EVA1C: variants seen among roughly 807,000 people sequenced by gnomAD.
The protein encoded by EVA1C is protein eva-1 homolog C.
In EVA1C, 25 loss-of-function variants were observed where a neutral mutation model predicts 45.4. That is an observed-to-expected ratio of 0.55 (90% CI 0.40 to 0.77). The LOEUF is 0.77. EVA1C is among the 30% of genes least tolerant of loss of function. EVA1C has a pLI of 0.00. For missense variants in EVA1C, 479 were observed against 554.8 expected (o/e 0.86, Z 1.37); for synonymous variants, 190 against 221.2 (o/e 0.86, Z 1.25).
chr21:32,511,605 A>T (rs1419489460), intron 7 of EVA1C, among the ~76,000 whole-genome samples: 1 of 152,082 alleles, frequency 6.6e-6, no homozygotes, highest in East Asian at 1.9e-4. Flanking sequence ...GGGAACACAA[A>T]TCAAGACCAT....
chr21:32,427,944 A>G (rs1365720435), intron 1 of EVA1C, among the ~76,000 whole-genome samples: 3 of 151,984 alleles, frequency 2.0e-5, no homozygotes, highest in Non-Finnish European at 1.5e-5. Context: ...TGGACCTTAA[A>G]CAGTGGACAG....
At position 32,444,053 on chromosome 21, in the gene EVA1C, A is replaced by AACACACACACACACAC. The variant is rs60086580; in HGVS notation, c.161-9235_161-9220dup. Reference sequence around the variant, plus strand: ...CCACTTCTGACACCAATTGTGTGAAAACACACACACACACACACACACACA... The same window carrying AACACACACACACACAC: ...CCACTTCTGACACCAATTGTGTGAAAACACACACACACACACACACACACACACACACACACACACA... On this transcript the variant is annotated intron_variant, in intron 1 of 7. Transcript: ENST00000300255. Among the ~76,000 whole-genome samples the AACACACACACACACAC allele has an allele frequency of 6.4e-5, 9 of 140,042 alleles. No homozygotes were observed. The East Asian group carries it at 1.8e-3, about 28-fold the overall frequency. 91.9% of individuals were successfully genotyped at this position (140,042 alleles called of 152,430 possible). A position where few individuals can be genotyped will look rare whatever the true frequency, so the allele number is the denominator to read the frequency against.
chr21:32,424,637 G>C (rs2034416976), intron 1 of EVA1C, among the ~76,000 whole-genome samples: 1 of 152,080 alleles, frequency 6.6e-6, no homozygotes, highest in East Asian at 1.9e-4. Context: ...AGGCCACCCT[G>C]GACACAAAGA....
At chr21:32,418,367 A>G (rs530523720) in intron 1 of EVA1C, among the ~76,000 whole-genome samples, 2 of 152,300 alleles carry the variant, frequency 1.3e-5, no homozygotes, top group African/African-American at 4.8e-5. Flanking sequence ...ACTACATCTG[A>G]AAAGTTTTCT....
intron 4 of EVA1C, among the ~76,000 whole-genome samples, chr21:32,468,983 G>A (rs2036280070): frequency 6.6e-6 from 1 of 152,172 alleles, no homozygotes; most frequent in Admixed American, 6.5e-5. Context: ...TGGATTAAAG[G>A]GAAAGTCAAG....
At chr21:32,426,685 A>C (rs988287488) in intron 1 of EVA1C, among the ~76,000 whole-genome samples, 24 of 152,114 alleles carry the variant, frequency 1.6e-4, no homozygotes, top group African/African-American at 5.1e-4. Flanking sequence ...GAGAAGGAGG[A>C]GTCGACGGAC....
At chr21:32,483,105 C>A (rs950261072) in intron 4 of EVA1C, among the ~76,000 whole-genome samples, 4 of 90,226 alleles carry the variant, frequency 4.4e-5, no homozygotes, top group Admixed American at 2.4e-4. Flanking sequence ...GCAATCCTCT[C>A]ACCTCAGCCT....
At chr21:32,431,811 G>A (rs2034715137) in intron 1 of EVA1C, among the ~76,000 whole-genome samples, 1 of 152,040 alleles carries the variant, frequency 6.6e-6, no homozygotes, top group Non-Finnish European at 1.5e-5. Flanking sequence ...AAATATTCCT[G>A]TGTATTCCTT....
At chr21:32,487,816 C>T (rs560091872) in intron 4 of EVA1C, among the ~76,000 whole-genome samples, 1 of 152,022 alleles carries the variant, frequency 6.6e-6, no homozygotes, top group South Asian at 2.1e-4. Context: ...TAACATTCGG[C>T]TCCTCCTGAG....
intron 3 of EVA1C, among the ~76,000 whole-genome samples, chr21:32,458,481 A>ATTTTTT (rs1555859600): frequency 2.1e-5 from 3 of 141,142 alleles, no homozygotes; most frequent in Non-Finnish European, 1.5e-5. Context: ...GAAGTTAAGC[A>ATTTTTT]CTTTTTTTTT....
chr21:32,508,241 G>T (rs1216585533), intron 7 of EVA1C, among the ~76,000 whole-genome samples: 3 of 152,150 alleles, frequency 2.0e-5, no homozygotes, highest in Admixed American at 2.0e-4. Context: ...CCTCATATGT[G>T]CCTGCAGGCA....
chr21:32,411,788 G>T (rs1034369225), upstream of EVA1C, among the ~76,000 whole-genome samples: 9 of 152,320 alleles, frequency 5.9e-5, no homozygotes, highest in African/African-American at 2.2e-4. Flanking sequence ...TAGGGTTTGG[G>T]TCGCTGGGCG....
chr21:32,497,241 A>G, intron 5 of EVA1C: 1 of 783,140 alleles, frequency 1.3e-6, no homozygotes, highest in Non-Finnish European at 2.3e-6. Flanking sequence ...ATTTTGGCAA[A>G]TGTTTTAGAA....
At chr21:32,461,369 G>A (rs2035991729) in intron 3 of EVA1C, among the ~76,000 whole-genome samples, 1 of 152,206 alleles carries the variant, frequency 6.6e-6, no homozygotes, top group Non-Finnish European at 1.5e-5. Context: ...CTGCCCCATA[G>A]AGAGCAGATG....
At chr21:32,492,681 C>A (rs1423463547) in intron 4 of EVA1C, among the ~76,000 whole-genome samples, 1 of 150,154 alleles carries the variant, frequency 6.7e-6, no homozygotes, top group Non-Finnish European at 1.5e-5. Flanking sequence ...AATCTCGGCC[C>A]ACCTCAAATG....
intron 6 of EVA1C, 160 bp downstream of exon 6, chr21:32,501,655 A>G: frequency 2.5e-6 from 2 of 795,798 alleles, no homozygotes; most frequent in East Asian, 3.2e-5. Flanking sequence ...ATCGGCCAAT[A>G]GTTGCAAATG....
At chr21:32,414,736 C>T (rs1025661277) in intron 1 of EVA1C, among the ~76,000 whole-genome samples, 9 of 152,188 alleles carry the variant, frequency 5.9e-5, no homozygotes, top group Admixed American at 5.2e-4. Flanking sequence ...GCTTTCCATA[C>T]GAACCTAAAT....
At chr21:32,513,188 T>C (rs1776346899) in intron 7 of EVA1C, among the ~76,000 whole-genome samples, 1 of 133,870 alleles carries the variant, frequency 7.5e-6, no homozygotes, top group East Asian at 2.0e-4. Flanking sequence ...TATTTATTTA[T>C]TTTTTTGAGA....
In EVA1C at chr21:32,515,250, C is replaced by T; in HGVS notation, c.*60C>T. 6.6e-7 allele frequency: 1 copy of T among 1,512,056 alleles called. No homozygotes were observed. The highest frequency in any genetic ancestry group is 8.9e-7 in the Non-Finnish European group (1 of 1,125,322). The allele number at this position is 1,512,056 out of a possible 1,614,324, so 93.7% of individuals were successfully genotyped here. On this transcript the variant is annotated 3_prime_UTR_variant, in exon 8 of 8. Transcript: ENST00000300255. ...GAAGAAGGAAGGATCCCAAATGCCC[C>T]TCCAGTTCTGGTTCACCTGTACCTT... is the stretch of plus-strand genomic sequence containing the variant.
Sources: allele counts gnomAD v4.1 joint callset (sites outside exome capture counted in the v4.1 genomes callset), GRCh38; gene constraint gnomAD v4.1.1; transcripts MANE v1.5; gene names NCBI Gene and HGNC (gene_info 2026-07-23, HGNC 2026-07-21).